PADI1: variants seen among roughly 807,000 people sequenced by gnomAD.
PADI1 encodes the protein protein-arginine deiminase type-1.
PADI1 carries 65 observed loss-of-function variants against 74.8 expected under a neutral mutation model. The ratio of observed to expected loss-of-function variants is 0.87; its 90% CI spans 0.71 to 1.07. PADI1 has a LOEUF of 1.07. Among genes scored for constraint, PADI1 ranks in the 50% least tolerant of loss-of-function variants. PADI1 has a pLI of 0.00. For missense variants in PADI1, 943 were observed against 854.0 expected (o/e 1.10, Z -1.30); for synonymous variants, 371 against 336.2 (o/e 1.10, Z -1.13).
intron 1 of PADI1, among the ~76,000 whole-genome samples, chr1:17,221,057 A>G (rs999215281): frequency 6.6e-6 from 1 of 152,110 alleles, no homozygotes; most frequent in Non-Finnish European, 1.5e-5. Flanking sequence ...CTCAACACCC[A>G]TTTCTTGATC....
chr1:17,234,890 G>A (rs1426701608), intron 11 of PADI1, among the ~76,000 whole-genome samples: 2 of 152,094 alleles, frequency 1.3e-5, no homozygotes, highest in Non-Finnish European at 2.9e-5. Context: ...GCCAAGGTGG[G>A]TGGATCACCT....
chr1:17,214,307 G>A (rs995997073), intron 1 of PADI1, among the ~76,000 whole-genome samples: 3 of 152,150 alleles, frequency 2.0e-5, no homozygotes, highest in African/African-American at 7.2e-5. Flanking sequence ...GGCATTTGAA[G>A]TGGGTCTTGA....
chr1:17,231,572 C>T (rs1332736930), intron 10 of PADI1, among the ~76,000 whole-genome samples: 1 of 152,174 alleles, frequency 6.6e-6, no homozygotes, highest in South Asian at 2.1e-4. Flanking sequence ...TGAGTGCACC[C>T]GCCAGGGCCA....
At chr1:17,222,509 T>A in intron 2 of PADI1, 39 bp downstream of exon 2, 1 of 1,485,662 alleles carries the variant, frequency 6.7e-7, no homozygotes, top group Non-Finnish European at 9.4e-7. Context: ...GTTGGATCTC[T>A]CCACCCCCAT....
chr1:17,241,243 C>T lies in PADI1; in HGVS notation c.1758+483C>T, dbSNP rs544104529. On this transcript the variant is annotated intron_variant, in intron 15 of 15. Transcript: ENST00000375471. Reference sequence around the variant, plus strand: ...GCCTCGCTGACTCTCATTAACAGGGCAGCTGACAAGGAGATGAGCAGATGT... The same window carrying T: ...GCCTCGCTGACTCTCATTAACAGGGTAGCTGACAAGGAGATGAGCAGATGT... Among the ~76,000 whole-genome samples the T allele has an allele frequency of 3.9e-5, 6 of 152,314 alleles. No individual in the cohort carries two copies. The South Asian group carries it at 1.2e-3, about 32-fold the overall frequency.
chr1:17,222,221 C>A, intron 1 of PADI1, 69 bp from the exon 2 acceptor site: 2 of 1,198,716 alleles, frequency 1.7e-6, no homozygotes, highest in Non-Finnish European at 2.4e-6. Flanking sequence ...AAGCCCCCAC[C>A]CCACTGTGGC....
In PADI1 at chr1:17,228,932, C is replaced by T. The variant is rs764108480; in HGVS notation, c.826-16C>T. ...GGGTCCCTGCAGGGCCCACCAAGTC[C>T]TCATTTTCCCCTCAGACCCTGCCCG... On this transcript the variant is annotated splice_polypyrimidine_tract_variant and intron_variant, in intron 7 of 15. Transcript: ENST00000375471. 7.5e-6 allele frequency: 12 copies of T among 1,589,466 alleles called. No individual in the cohort carries two copies. Among genetic ancestry groups the T allele is most frequent in the Non-Finnish European group, 1.0e-5 (12 of 1,163,422 alleles).
At position 17,222,429 on chromosome 1, in the gene PADI1, G is replaced by T. The variant is rs753503873; in HGVS notation, c.232G>T (p.Val78Leu). 13 of 1,614,070 alleles carry T rather than the reference G, an allele frequency of 8.1e-6. No individual in the cohort carries two copies. The South Asian group carries it at 1.4e-4, about 18-fold the overall frequency. ...GCTAGACACTGATGCAGACATGGTC[G>T]TATCTGTGGGCACAGCCAGTAAGGA... ...WPLDTDADMV[V>L]SVGTASKELK... Residue 78 changes from valine to leucine, a missense_variant, in exon 2 of 16, where the codon GTA becomes TTA. Physicochemically the swap from Val to Leu is conservative, Grantham distance 32. Coordinates refer to ENST00000375471, the MANE Select transcript of PADI1 (RefSeq NM_013358.3).
chr1:17,226,256 T>C, intron 6 of PADI1, 98 bp downstream of exon 6: 1 of 1,352,732 alleles, frequency 7.4e-7, no homozygotes, highest in East Asian at 2.3e-5. Context: ...TTTTTGTAAC[T>C]CTCATTACAG....
intron 1 of PADI1, among the ~76,000 whole-genome samples, chr1:17,213,184 C>CAGAG (rs56378950): frequency 8.5e-5 from 13 of 152,094 alleles, no homozygotes; most frequent in Middle Eastern, 3.4e-3. Context: ...GGGACGTAAT[C>CAGAG]TCCTACCAGG....
intron 1 of PADI1, among the ~76,000 whole-genome samples, chr1:17,216,876 T>TA (rs986722507): frequency 1.3e-5 from 2 of 151,476 alleles, no homozygotes; most frequent in African/African-American, 2.4e-5. Flanking sequence ...TCTCAAAAAA[T>TA]AAAAAATAAA....
chr1:17,221,258 G>A (rs2072140897), intron 1 of PADI1, among the ~76,000 whole-genome samples: 1 of 152,212 alleles, frequency 6.6e-6, no homozygotes, highest in Non-Finnish European at 1.5e-5. Context: ...CACCTACCAT[G>A]TGCCAGACAC....
chr1:17,228,793 C>G lies in PADI1; in HGVS notation c.821C>G (p.Pro274Arg), dbSNP rs200633769. The G allele has an allele frequency of 9.9e-6, 16 of 1,608,218 alleles. No individual in the cohort carries two copies. Among genetic ancestry groups the G allele is most frequent in the Non-Finnish European group, 1.4e-5 (16 of 1,177,686 alleles). ...TCCCTCAGTGTCAGCCTGGTGGACC[C>G]GGGGGTGTGTACAGCACTGGGGGGT... is the stretch of plus-strand genomic sequence containing the variant. ...LVSLSVSLVD[P>R]GTLPEVTLFT... Residue 274 changes from proline (P) to arginine (R), a missense_variant, in exon 7 of 16, where the codon CCG becomes CGG. By Grantham distance (103) the Pro-to-Arg change is moderately radical (BLOSUM62 -2). Transcript: ENST00000375471.
chr1:17,209,469 A>C (rs1267842715), intron 1 of PADI1, among the ~76,000 whole-genome samples: 1 of 152,170 alleles, frequency 6.6e-6, no homozygotes, highest in East Asian at 1.9e-4. Context: ...GAAACATAAA[A>C]TATTGACATC....
chr1:17,206,209 G>T (rs924669521), intron 1 of PADI1, among the ~76,000 whole-genome samples: 12 of 152,214 alleles, frequency 7.9e-5, no homozygotes, highest in African/African-American at 2.2e-4. Flanking sequence ...TGGGTGCTGG[G>T]GGTCTGTTAC....
At chr1:17,230,264 C>T (rs563947522) in intron 9 of PADI1, 56 bp downstream of exon 9, 47 of 1,581,750 alleles carry the variant, frequency 3.0e-5, no homozygotes, top group South Asian at 5.9e-5. Flanking sequence ...AAAGGGAAGC[C>T]GCACAGGTGC....
chr1:17,228,855 C>T, intron 7 of PADI1, 58 bp downstream of exon 7: 1 of 1,598,064 alleles, frequency 6.3e-7, no homozygotes, highest in Non-Finnish European at 8.6e-7. Flanking sequence ...GCCCAGTTTG[C>T]AGGCTCCAGG....
intron 11 of PADI1, 85 bp from the exon 12 acceptor site, chr1:17,237,229 C>A: frequency 6.9e-7 from 1 of 1,453,960 alleles, no homozygotes; most frequent in South Asian, 1.4e-5. Context: ...ATTCCGCCCC[C>A]TGGTGGCAGA....
intron 1 of PADI1, among the ~76,000 whole-genome samples, chr1:17,208,211 G>C (rs919147624): frequency 4.6e-5 from 7 of 152,206 alleles, no homozygotes; most frequent in African/African-American, 1.4e-4. Context: ...CCAGGAGATG[G>C]GTGTGTAGGG....
Sources: gnomAD v4.1 joint callset for allele counts (sites outside exome capture counted in the v4.1 genomes callset) on GRCh38, gnomAD v4.1.1 for gene constraint, MANE v1.5 for transcripts, NCBI Gene and HGNC (gene_info 2026-07-23, HGNC 2026-07-21) for gene names.